The following PRR16 variants were observed in gnomAD, a reference collection of about 807,000 sequenced individuals.
The protein encoded by PRR16 is protein Largen.
In PRR16, 6 loss-of-function variants were observed where a neutral mutation model predicts 18.2. The observed-to-expected ratio is 0.33, with a 90% CI of 0.18 to 0.65. The LOEUF is 0.65. Among genes scored for constraint, PRR16 ranks in the 30% least tolerant of loss-of-function variants. The pLI is 0.74. For synonymous variants in PRR16, 151 were observed against 147.8 expected, an observed-to-expected ratio of 1.02 and a Z score of -0.16; for missense variants, 412 against 376.6, an observed-to-expected ratio of 1.09 and a Z score of -0.78.
chr5:120,565,950 A>G (rs1301854017), intron 1 of PRR16, among the ~76,000 whole-genome samples: 2 of 152,238 alleles, frequency 1.3e-5, no homozygotes, highest in Non-Finnish European at 2.9e-5. Flanking sequence ...AGTGTCACAC[A>G]GATCACAACA....
chr5:120,580,433 A>C (rs570202362), intron 1 of PRR16, among the ~76,000 whole-genome samples: 2 of 149,040 alleles, frequency 1.3e-5, no homozygotes, highest in South Asian at 2.1e-4. Context: ...GAGAGTTTTT[A>C]ACATGAAGGG....
chr5:120,767,663 G>A, the PRR16 span, among the ~76,000 whole-genome samples: 1 of 151,728 alleles, frequency 6.6e-6, no homozygotes, highest in African/African-American at 2.4e-5. Context: ...AAATCACAAA[G>A]GGAAGTTGAA....
the PRR16 span, among the ~76,000 whole-genome samples, chr5:120,766,770 C>G: frequency 6.6e-6 from 1 of 151,880 alleles, no homozygotes; most frequent in Admixed American, 6.6e-5. Flanking sequence ...GACCTTTGGA[C>G]ATATTGCTAC....
At chr5:120,607,251 A>G (rs536325123) in intron 1 of PRR16, among the ~76,000 whole-genome samples, 27 of 152,308 alleles carry the variant, frequency 1.8e-4, no homozygotes, top group African/African-American at 6.0e-4. Context: ...TTTTTCAAAG[A>G]GAGGCTGTCT....
intron 1 of PRR16, among the ~76,000 whole-genome samples, chr5:120,605,436 G>A (rs922220850): frequency 1.3e-5 from 2 of 152,140 alleles, no homozygotes; most frequent in African/African-American, 4.8e-5. Flanking sequence ...TTGTTTTACT[G>A]ATTTCCTTTG....
the PRR16 span, among the ~76,000 whole-genome samples, chr5:120,755,948 G>A: frequency 6.6e-6 from 1 of 152,056 alleles, no homozygotes; most frequent in Non-Finnish European, 1.5e-5. Flanking sequence ...AATTTTCTGG[G>A]GTTTAAATAC....
intron 1 of PRR16, among the ~76,000 whole-genome samples, chr5:120,652,316 A>T (rs1755819987): frequency 6.6e-6 from 1 of 152,114 alleles, no homozygotes; most frequent in Non-Finnish European, 1.5e-5. Context: ...GTTTCTGTAT[A>T]GTATAGCAGT....
intron 1 of PRR16, among the ~76,000 whole-genome samples, chr5:120,628,909 G>A (rs1205807110): frequency 6.6e-6 from 1 of 151,992 alleles, no homozygotes; most frequent in Non-Finnish European, 1.5e-5. Context: ...AAGTTCAGAG[G>A]TACATGTGTA....
intron 1 of PRR16, among the ~76,000 whole-genome samples, chr5:120,645,621 AAAAAG>A (rs985687491): frequency 3.9e-4 from 60 of 152,202 alleles, no homozygotes; most frequent in African/African-American, 1.3e-3. Context: ...GTTTAAACAA[AAAAAG>A]AAAATGTTTG....
chr5:120,654,090 T>C (rs943518878), intron 1 of PRR16, among the ~76,000 whole-genome samples: 1 of 152,042 alleles, frequency 6.6e-6, no homozygotes, highest in Non-Finnish European at 1.5e-5. Flanking sequence ...ACCCAGCCAA[T>C]AGAGTTTAAG....
the PRR16 span, among the ~76,000 whole-genome samples, chr5:120,745,565 C>CA: frequency 0.1 from 15,748 of 152,090 alleles, 1,036 homozygotes; most frequent in African/African-American, 0.18. Flanking sequence ...ACAACAACAA[C>CA]AACAAATACT....
the PRR16 span, among the ~76,000 whole-genome samples, chr5:120,780,264 T>C: frequency 6.6e-6 from 1 of 152,212 alleles, no homozygotes; most frequent in Non-Finnish European, 1.5e-5. Flanking sequence ...AGTTCAATGT[T>C]AGCCTATAAC....
intron 1 of PRR16, among the ~76,000 whole-genome samples, chr5:120,478,950 T>G (rs562614855): frequency 3.3e-5 from 5 of 152,284 alleles, no homozygotes; most frequent in African/African-American, 1.2e-4. Context: ...AAGTAAGTTT[T>G]AAGCACTCTA....
At chr5:120,641,005 T>G (rs11241559) in intron 1 of PRR16, among the ~76,000 whole-genome samples, 105,225 of 151,930 alleles carry the variant, frequency 0.69, 37,930 homozygotes, top group East Asian at 0.89. Context: ...AAGAGGCGAT[T>G]GTAAGGCCTA....
chr5:120,489,489 G>A (rs960936360), intron 1 of PRR16, among the ~76,000 whole-genome samples: 1 of 151,692 alleles, frequency 6.6e-6, no homozygotes, highest in Non-Finnish European at 1.5e-5. Flanking sequence ...GCCTTTTTTT[G>A]TTTTCCATTT....
chr5:120,729,580 A>G, the PRR16 span, among the ~76,000 whole-genome samples: 1 of 152,120 alleles, frequency 6.6e-6, no homozygotes, highest in African/African-American at 2.4e-5. Flanking sequence ...TTTCTCTTCC[A>G]CTGGATTATA....
At chr5:120,606,607 A>G (rs1754161214) in intron 1 of PRR16, among the ~76,000 whole-genome samples, 1 of 152,126 alleles carries the variant, frequency 6.6e-6, no homozygotes, top group African/African-American at 2.4e-5. Flanking sequence ...CTCTTAGGAC[A>G]AATGTGATAA....
the PRR16 span, among the ~76,000 whole-genome samples, chr5:120,778,310 T>C: frequency 6.6e-6 from 1 of 152,120 alleles, no homozygotes; most frequent in Non-Finnish European, 1.5e-5. Flanking sequence ...TTTTAAGAGA[T>C]TTTATTAATG....
At chr5:120,622,247 G>C (rs1055508175) in intron 1 of PRR16, among the ~76,000 whole-genome samples, 3 of 152,048 alleles carry the variant, frequency 2.0e-5, no homozygotes, top group African/African-American at 7.2e-5. Flanking sequence ...ATCTAGAAAA[G>C]TAATGGCACA....
Sources: gnomAD v4.1 joint callset for allele counts (sites outside exome capture counted in the v4.1 genomes callset) on GRCh38, gnomAD v4.1.1 for gene constraint, MANE v1.5 for transcripts, NCBI Gene and HGNC (gene_info 2026-07-23, HGNC 2026-07-21) for gene names.